KCNT2: variants seen among roughly 807,000 people sequenced by gnomAD.
KCNT2 encodes the protein potassium sodium-activated channel subfamily T member 2.
In KCNT2, 67 loss-of-function variants were observed where a neutral mutation model predicts 153.8. That is an observed-to-expected ratio of 0.44 (90% CI 0.36 to 0.53). The LOEUF (loss-of-function observed/expected upper bound fraction) is 0.53. KCNT2 is among the 20% of genes least tolerant of loss of function. The pLI is 0.00. For missense variants in KCNT2, 975 were observed against 1,354.8 expected, an observed-to-expected ratio of 0.72 and a Z score of 4.40; for synonymous variants, 500 against 458.8, an observed-to-expected ratio of 1.09 and a Z score of -1.15.
Position 196,282,361 on chromosome 1 carries a change from A to G in KCNT2, c.2698-5T>C. ...CATATAATCCTTCACAAATGACTGC[A>G]ATATAAACAAACAAACAATATATAA... On this transcript the variant is annotated splice_polypyrimidine_tract_variant and splice_region_variant and intron_variant, in intron 23 of 27. Coordinates refer to ENST00000294725, the MANE Select transcript of KCNT2 (RefSeq NM_198503.5). 6.9e-7 allele frequency: 1 copy of G among 1,439,436 alleles called. No homozygotes were observed. Among genetic ancestry groups the G allele is most frequent in the East Asian group, 2.3e-5 (1 of 43,940 alleles). 89.2% of individuals were successfully genotyped at this position (1,439,436 alleles called of 1,614,324 possible). A position where few individuals can be genotyped will look rare whatever the true frequency, so the allele number is the denominator to read the frequency against.
intron 25 of KCNT2, among the ~76,000 whole-genome samples, chr1:196,262,933 C>A (rs944694523): frequency 6.6e-6 from 1 of 152,004 alleles, no homozygotes; most frequent in Non-Finnish European, 1.5e-5. Flanking sequence ...CAGGAAAATA[C>A]CCTGTCTTCA....
In KCNT2 at chr1:196,340,388, T is replaced by C; in HGVS notation, c.1736A>G (p.Tyr579Cys). 3 of 1,612,650 alleles carry C rather than the reference T, an allele frequency of 1.9e-6. No individual in the cohort carries two copies. Among genetic ancestry groups the C allele is most frequent in the Non-Finnish European group, 1.7e-6 (2 of 1,179,100 alleles). Reference protein sequence around the residue: ...QRKSNVSRSFYHGPSRLPVHS... With the variant: ...QRKSNVSRSFCHGPSRLPVHS... ...TACAGGTAATCTGGAAGGTCCATGA[T>C]AAAACGACCTGGACACATTGCTTTT... is the stretch of plus-strand genomic sequence containing the variant. The change falls in exon 16 of 28, where the codon TAT becomes TGT. Residue 579 changes from tyrosine to cysteine, a missense_variant. Transcript: ENST00000294725.
intron 1 of KCNT2, among the ~76,000 whole-genome samples, chr1:196,546,817 T>G (rs1329277292): frequency 6.6e-6 from 1 of 152,116 alleles, no homozygotes; most frequent in Non-Finnish European, 1.5e-5. Context: ...TCAAGAAAAC[T>G]TGAATCATCA....
chr1:196,507,761 T>A (rs1681266121), intron 1 of KCNT2, among the ~76,000 whole-genome samples: 2 of 152,124 alleles, frequency 1.3e-5, no homozygotes, highest in Admixed American at 6.5e-5. Flanking sequence ...TAAGAATTTC[T>A]TACTAACGGT....
intron 8 of KCNT2, among the ~76,000 whole-genome samples, chr1:196,433,601 G>A (rs1674352700): frequency 6.6e-6 from 1 of 151,926 alleles, no homozygotes; most frequent in Non-Finnish European, 1.5e-5. Context: ...CATATATTAT[G>A]TCCCCATAAA....
intron 4 of KCNT2, among the ~76,000 whole-genome samples, chr1:196,481,594 C>T (rs1009925649): frequency 1.1e-4 from 17 of 152,000 alleles, no homozygotes; most frequent in African/African-American, 4.1e-4. Context: ...TCTATTCTTC[C>T]GATTAATTTG....
At chr1:196,503,743 A>G (rs982431101) in intron 1 of KCNT2, among the ~76,000 whole-genome samples, 2 of 152,208 alleles carry the variant, frequency 1.3e-5, no homozygotes, top group Non-Finnish European at 2.9e-5. Context: ...AAGTTACATG[A>G]ACACACTAAC....
At chr1:196,516,468 G>A (rs1367904284) in intron 1 of KCNT2, among the ~76,000 whole-genome samples, 1 of 152,098 alleles carries the variant, frequency 6.6e-6, no homozygotes, top group Admixed American at 6.5e-5. Context: ...CCAGCTGGCA[G>A]CAGTCCCAAA....
At chr1:196,283,456 A>G (rs1242702789) in intron 23 of KCNT2, among the ~76,000 whole-genome samples, 2 of 152,066 alleles carry the variant, frequency 1.3e-5, no homozygotes, top group Non-Finnish European at 2.9e-5. Context: ...CAAACAAAAA[A>G]TAAATAAAAT....
At position 196,226,965 on chromosome 1, in the gene KCNT2, T is replaced by A. The variant is rs1158883512; in HGVS notation, c.*1259A>T. On this transcript the variant is annotated 3_prime_UTR_variant, in exon 28 of 28. Coordinates refer to ENST00000294725, the MANE Select transcript of KCNT2 (RefSeq NM_198503.5). ...CTATGTACGCATACTCTTGTGCTCT[T>A]TTGATCTATTTCTCTAGGGGGAAAA... 1 of 151,982 alleles carries A rather than the reference T, an allele frequency of 6.6e-6. No individual in the cohort carries two copies. Among genetic ancestry groups the A allele is most frequent in the Admixed American group, 6.5e-5 (1 of 15,270 alleles). 9.4% of individuals were successfully genotyped at this position (151,982 alleles called of 1,614,324 possible). A position where few individuals can be genotyped will look rare whatever the true frequency, so the allele number is the denominator to read the frequency against.
chr1:196,301,700 G>A (rs1245182217), intron 22 of KCNT2, among the ~76,000 whole-genome samples: 1 of 152,108 alleles, frequency 6.6e-6, no homozygotes, highest in Non-Finnish European at 1.5e-5. Flanking sequence ...ATAAAAGTGT[G>A]AAAGTGTGTA....
intron 13 of KCNT2, among the ~76,000 whole-genome samples, chr1:196,397,821 C>T (rs149592304): frequency 0.058 from 8,740 of 151,390 alleles, 391 homozygotes; most frequent in Non-Finnish European, 0.085. Context: ...AAATGTATTA[C>T]ATTTTAATGA....
chr1:196,508,368 C>G (rs549224884), intron 1 of KCNT2, among the ~76,000 whole-genome samples: 1 of 151,390 alleles, frequency 6.6e-6, no homozygotes, highest in Non-Finnish European at 1.5e-5. Context: ...AGAAACAAAA[C>G]AAAAACAAAA....
intron 13 of KCNT2, among the ~76,000 whole-genome samples, chr1:196,381,256 T>C (rs1041917575): frequency 1.3e-5 from 2 of 152,110 alleles, no homozygotes; most frequent in African/African-American, 4.8e-5. Flanking sequence ...AGAACAGTTT[T>C]AATTTCATTA....
chr1:196,585,604 A>G (rs1662581778), intron 1 of KCNT2, among the ~76,000 whole-genome samples: 1 of 152,144 alleles, frequency 6.6e-6, no homozygotes, highest in Admixed American at 6.6e-5. Flanking sequence ...ACTAATTAAA[A>G]AAAAACATTA....
Position 196,470,827 on chromosome 1 carries a change from A to G in KCNT2, c.385-1759T>C, listed in dbSNP as rs903552516. On this transcript the variant is annotated intron_variant, in intron 5 of 27. Coordinates refer to ENST00000294725, the MANE Select transcript of KCNT2 (RefSeq NM_198503.5). ...GTTGAGGATAGGGAGAAGCCATCTT[A>G]AAGGAGAATTTTAAATTTTTGCATA... is the stretch of plus-strand genomic sequence containing the variant. Among the ~76,000 whole-genome samples, 3 of 151,828 alleles carry G rather than the reference A, an allele frequency of 2.0e-5. No individual in the cohort carries two copies. The South Asian group carries it at 6.2e-4, about 32-fold the overall frequency.
chr1:196,264,554 T>C (rs1021702916), intron 25 of KCNT2, among the ~76,000 whole-genome samples: 1 of 152,174 alleles, frequency 6.6e-6, no homozygotes, highest in Non-Finnish European at 1.5e-5. Context: ...GCCCCATGGA[T>C]GGGGAAGCTG....
intron 1 of KCNT2, among the ~76,000 whole-genome samples, chr1:196,540,441 G>A (rs1480372037): frequency 6.6e-6 from 1 of 152,176 alleles, no homozygotes; most frequent in Non-Finnish European, 1.5e-5. Context: ...TCAAAAGGAA[G>A]CTAGATGGAG....
chr1:196,496,938 A>G (rs888127803), intron 1 of KCNT2, among the ~76,000 whole-genome samples: 3 of 152,250 alleles, frequency 2.0e-5, no homozygotes, highest in Admixed American at 6.5e-5. Flanking sequence ...CCAATCAGCA[A>G]TAGATTTTTT....
Sources: allele counts gnomAD v4.1 joint callset (sites outside exome capture counted in the v4.1 genomes callset), GRCh38; gene constraint gnomAD v4.1.1; transcripts MANE v1.5; gene names NCBI Gene and HGNC (gene_info 2026-07-23, HGNC 2026-07-21).